Variants in SBK1 observed in about 807,000 individuals in gnomAD.
The protein encoded by SBK1 is serine/threonine-protein kinase SBK1.
Under a neutral mutation model 24.4 loss-of-function variants are expected in SBK1, and 11 were observed. That is an observed-to-expected ratio of 0.45 (90% CI 0.28 to 0.75). The LOEUF is 0.75. SBK1 is among the 30% of genes least tolerant of loss of function. SBK1 has a pLI of 0.12. For missense variants in SBK1, 467 were observed against 620.5 expected, an observed-to-expected ratio of 0.75 and a Z score of 2.63; for synonymous variants, 308 against 284.4, an observed-to-expected ratio of 1.08 and a Z score of -0.83.
At chr16:28,314,461 G>A (rs537817616) in intron 1 of SBK1, among the ~76,000 whole-genome samples, 10 of 151,458 alleles carry the variant, frequency 6.6e-5, no homozygotes, top group South Asian at 4.2e-4. Flanking sequence ...GTGGCCCAAC[G>A]CACTATTATT....
At chr16:28,298,631 C>T (rs1596548410) in intron 1 of SBK1, among the ~76,000 whole-genome samples, 2 of 152,362 alleles carry the variant, frequency 1.3e-5, no homozygotes, top group East Asian at 3.9e-4. Flanking sequence ...GCAGGGCCTG[C>T]TGCTTAAGTG....
chr16:28,282,444 C>T (rs889307364), intron 1 of SBK1, among the ~76,000 whole-genome samples: 6 of 152,128 alleles, frequency 3.9e-5, no homozygotes, highest in African/African-American at 1.2e-4. Flanking sequence ...TGCCTTCCTC[C>T]GGGAAGCCCC....
chr16:28,304,299 C>G (rs552036678), intron 1 of SBK1, among the ~76,000 whole-genome samples: 2 of 152,298 alleles, frequency 1.3e-5, no homozygotes, highest in African/African-American at 2.4e-5. Flanking sequence ...CCCCCAGCCT[C>G]GCACTTAATG....
At chr16:28,302,727 C>T (rs890969234) in intron 1 of SBK1, among the ~76,000 whole-genome samples, 1 of 152,196 alleles carries the variant, frequency 6.6e-6, no homozygotes, top group Admixed American at 6.5e-5. Flanking sequence ...CCATTCTCCT[C>T]AGAGGTTAAT....
intron 1 of SBK1, among the ~76,000 whole-genome samples, chr16:28,277,167 GCT>G (rs1468742787): frequency 6.6e-6 from 1 of 151,722 alleles, no homozygotes; most frequent in Non-Finnish European, 1.5e-5. Context: ...AGGTCAGGGA[GCT>G]GAGAGGCTGC....
chr16:28,293,231 G>A lies in SBK1; in HGVS notation c.-77G>A. On this transcript the variant is annotated 5_prime_UTR_variant, in exon 1 of 4. Transcript: ENST00000341901. ...ATGGTCGTGGCGCCCTGAGCCCCCG[G>A]GGCCGGGCAGACGAAGACCGCGACG... 1.0e-6 allele frequency: 1 copy of A among 985,434 alleles called. No homozygotes were observed. The highest frequency in any genetic ancestry group is 1.2e-6 in the Non-Finnish European group (1 of 829,958). 61.0% of individuals were successfully genotyped at this position (985,434 alleles called of 1,614,324 possible).
chr16:28,321,202 CA>C lies in SBK1; in HGVS notation c.*282del. The C allele has an allele frequency of 1.3e-5, 2 of 148,508 alleles. No homozygotes were observed. The highest frequency in any genetic ancestry group is 2.9e-5 in the Non-Finnish European group (2 of 68,756). 9.2% of individuals were successfully genotyped at this position (148,508 alleles called of 1,614,324 possible). On this transcript the variant is annotated 3_prime_UTR_variant, in exon 4 of 4. Coordinates refer to ENST00000341901, the MANE Select transcript of SBK1 (RefSeq NM_001024401.3). ...CACACAACACACACACACACACACA[CA>C]CACACACACACACACACACACACAC...
At chr16:28,282,996 G>A (rs561929469) in intron 1 of SBK1, among the ~76,000 whole-genome samples, 160 of 152,162 alleles carry the variant, frequency 1.1e-3, no homozygotes, top group African/African-American at 3.8e-3. Flanking sequence ...GCAGTGGCGT[G>A]ATCTCGGCTC....
In SBK1 at chr16:28,259,887, C is replaced by T. The variant is rs2044386574; in HGVS notation, c.257+385C>T. On this transcript the variant is annotated intron_variant, in intron 1 of 3. Transcript: ENST00000671413. The surrounding 1 kb of genome is among the most constrained non-coding windows in gnomAD (Gnocchi z 6.0). ...TCCCCTATATTAACCTCCAGTGAAA[C>T]TCTGCCCAGACTTCTCTTCCCCCAT... Among the ~76,000 whole-genome samples the T allele has an allele frequency of 6.6e-6, 1 of 152,108 alleles. No homozygotes were observed. The highest frequency in any genetic ancestry group is 2.1e-4 in the South Asian group (1 of 4,816).
intron 1 of SBK1, among the ~76,000 whole-genome samples, chr16:28,281,692 A>T (rs2044534100): frequency 6.6e-6 from 1 of 152,142 alleles, no homozygotes; most frequent in Admixed American, 6.6e-5. Flanking sequence ...TAGCGTCCAC[A>T]CCCTTGGGGT....
intron 1 of SBK1, among the ~76,000 whole-genome samples, chr16:28,302,966 G>C (rs1339336460): frequency 3.3e-5 from 5 of 151,860 alleles, no homozygotes; most frequent in African/African-American, 1.2e-4. Flanking sequence ...GGGCATGGGG[G>C]GGGGTCAGGA....
intron 1 of SBK1, among the ~76,000 whole-genome samples, chr16:28,280,189 A>G (rs1308339773): frequency 9.0e-6 from 1 of 110,996 alleles, no homozygotes; most frequent in African/African-American, 2.9e-5. Context: ...ATATACATAT[A>G]TATGTACATA....
intron 1 of SBK1, chr16:28,284,790 T>C (rs2044555389): frequency 6.6e-6 from 1 of 152,214 alleles, no homozygotes; most frequent in African/African-American, 2.4e-5. Flanking sequence ...TTCTTCTTTT[T>C]CTCCTCCTCC....
At position 28,322,913 on chromosome 16, in the gene SBK1, GCGCGCGCTCTCTCTCTCCCTCTCTCT is replaced by G. The variant is rs1567682847; in HGVS notation, c.*1994_*2019del. The G allele has an allele frequency of 1.2e-4, 11 of 94,696 alleles. No homozygotes were observed. Among genetic ancestry groups the G allele is most frequent in the Admixed American group, 3.4e-4 (3 of 8,832 alleles). The allele number at this position is 94,696 out of a possible 1,614,324, so 5.9% of individuals were successfully genotyped here. A position where few individuals can be genotyped will look rare whatever the true frequency, so the allele number is the denominator to read the frequency against. On this transcript the variant is annotated 3_prime_UTR_variant, in exon 4 of 4. Coordinates refer to ENST00000341901, the MANE Select transcript of SBK1 (RefSeq NM_001024401.3). The stretch of plus-strand genomic sequence containing the variant: ...CCTTGCCGTGCTCGCTCTCTCTCTC[GCGCGCGCTCTCTCTCTCCCTCTCTCT>G]CTCTCTCTCTCTCTCTCTCTCTCTC...
chr16:28,267,237 G>T (rs1321962793), intron 1 of SBK1, among the ~76,000 whole-genome samples: 4 of 152,006 alleles, frequency 2.6e-5, no homozygotes, highest in African/African-American at 4.8e-5. Flanking sequence ...AGATGGGGTG[G>T]GGGGAGGCGG....
chr16:28,277,290 T>C (rs1228260519), intron 1 of SBK1, among the ~76,000 whole-genome samples: 1 of 151,710 alleles, frequency 6.6e-6, no homozygotes, highest in Admixed American at 6.6e-5. Context: ...CGTGGGGACT[T>C]TTGAAAGCTC....
intron 1 of SBK1, among the ~76,000 whole-genome samples, chr16:28,277,952 C>G (rs1472033177): frequency 6.6e-6 from 1 of 152,264 alleles, no homozygotes; most frequent in Non-Finnish European, 1.5e-5. Context: ...GCCACAGAAC[C>G]CTGGGCTTGG....
At chr16:28,311,041 G>A (rs1042170229) in intron 1 of SBK1, among the ~76,000 whole-genome samples, 2 of 152,184 alleles carry the variant, frequency 1.3e-5, no homozygotes, top group African/African-American at 4.8e-5. Flanking sequence ...GTCTCCTGCT[G>A]ACACCTTGCG....
At chr16:28,298,558 T>C (rs1027421125) in intron 1 of SBK1, among the ~76,000 whole-genome samples, 6 of 152,220 alleles carry the variant, frequency 3.9e-5, no homozygotes, top group Non-Finnish European at 8.8e-5. Flanking sequence ...GAGACAATAA[T>C]AGCTGCCACT....
Sources: gnomAD v4.1 joint callset for allele counts (sites outside exome capture counted in the v4.1 genomes callset) on GRCh38, gnomAD v4.1.1 for gene constraint, Gnocchi (gnomAD v3.1) non-coding constraint, MANE v1.5 for transcripts, NCBI Gene and HGNC (gene_info 2026-07-23, HGNC 2026-07-21) for gene names.